CHD7: variants seen among roughly 807,000 people sequenced by gnomAD.
The protein encoded by CHD7 is chromodomain helicase DNA binding protein 7.
A neutral mutation model predicts 307.3 loss-of-function variants in CHD7; 24 were observed. That is an observed-to-expected ratio of 0.08 (90% CI 0.06 to 0.11). The LOEUF is 0.11. Among genes scored for constraint, CHD7 ranks in the 10% least tolerant of loss-of-function variants. The pLI, the probability that CHD7 is intolerant of heterozygous loss-of-function variation, is 1.00. For missense variants in CHD7, 3,106 were observed against 3,727.1 expected (o/e 0.83, Z 4.34); for synonymous variants, 1,363 against 1,349.9 (o/e 1.01, Z -0.21).
At chr8:60,708,808 C>A (rs1392992944) in intron 1 of CHD7, among the ~76,000 whole-genome samples, 1 of 152,206 alleles carries the variant, frequency 6.6e-6, no homozygotes, top group African/African-American at 2.4e-5. Flanking sequence ...TGACTCTTTT[C>A]AACCGAATGC....
At chr8:60,822,179 A>G (rs1027488106) in intron 11 of CHD7, 34 bp downstream of exon 11, 8 of 1,574,328 alleles carry the variant, frequency 5.1e-6, no homozygotes, top group Non-Finnish European at 6.9e-6. Context: ...ACTTTTAAAT[A>G]TATCTGTAGT....
chr8:60,861,411 T>G (rs144886073), intron 35 of CHD7: 1 of 323,256 alleles, frequency 3.1e-6, no homozygotes, highest in African/African-American at 2.1e-5. Context: ...AGTTATTCTT[T>G]CCATGGCATC....
intron 37 of CHD7, 54 bp downstream of exon 37, chr8:60,862,706 C>A: frequency 8.4e-7 from 1 of 1,190,802 alleles, no homozygotes; most frequent in Non-Finnish European, 1.2e-6. Flanking sequence ...AACTGTTTTC[C>A]TTAGTCTTTC....
chr8:60,778,107 G>C (rs191934403), intron 2 of CHD7, among the ~76,000 whole-genome samples: 87 of 151,710 alleles, frequency 5.7e-4, no homozygotes, highest in Middle Eastern at 3.4e-3. Flanking sequence ...GGGGGTGGAG[G>C]GGGGGACATG....
At chr8:60,692,578 G>A (rs924014457) in intron 1 of CHD7, among the ~76,000 whole-genome samples, 1 of 152,328 alleles carries the variant, frequency 6.6e-6, no homozygotes, top group African/African-American at 2.4e-5. Flanking sequence ...TGGAGGACTT[G>A]TTAGCATAAT....
chr8:60,781,455 C>T (rs1300974288), intron 3 of CHD7, 25 bp downstream of exon 3: 6 of 1,504,788 alleles, frequency 4.0e-6, no homozygotes, highest in Non-Finnish European at 5.3e-6. Context: ...GAAAAAACAA[C>T]TGCAAAACAT....
At chr8:60,768,844 A>C (rs992074061) in intron 2 of CHD7, among the ~76,000 whole-genome samples, 11 of 148,488 alleles carry the variant, frequency 7.4e-5, no homozygotes, top group African/African-American at 1.5e-4. Flanking sequence ...GAAAAAAAAA[A>C]CCTGCACTCC....
chr8:60,823,779 A>G, intron 12 of CHD7, 61 bp from the exon 13 acceptor site: 1 of 1,341,084 alleles, frequency 7.5e-7, no homozygotes, highest in Non-Finnish European at 1.1e-6. Flanking sequence ...CTATTTATTC[A>G]TCCTTAAAGT....
chr8:60,837,284 G>A (rs980698536), intron 17 of CHD7, among the ~76,000 whole-genome samples: 2 of 152,170 alleles, frequency 1.3e-5, no homozygotes, highest in African/African-American at 4.8e-5. Context: ...TTTGGTAGCC[G>A]TCTTAGCTCA....
At chr8:60,759,460 C>CCTCCCTCTCTCCCTCT (rs751141062) in intron 2 of CHD7, among the ~76,000 whole-genome samples, 24 of 143,954 alleles carry the variant, frequency 1.7e-4, no homozygotes, top group Non-Finnish European at 3.2e-4. Flanking sequence ...TCTCTCTCTC[C>CCTCCCTCTCTCCCTCT]CTCCCTCTCT....
At chr8:60,794,369 A>T (rs1233302442) in intron 3 of CHD7, among the ~76,000 whole-genome samples, 1 of 152,208 alleles carries the variant, frequency 6.6e-6, no homozygotes, top group Non-Finnish European at 1.5e-5. Context: ...TGTCTTTCAA[A>T]AAAAGGGCTA....
chr8:60,731,564 C>T (rs1190676154), intron 1 of CHD7, among the ~76,000 whole-genome samples: 1 of 152,128 alleles, frequency 6.6e-6, no homozygotes, highest in Admixed American at 6.5e-5. Flanking sequence ...AAATGTTTCC[C>T]AAATTTGTTA....
intron 1 of CHD7, among the ~76,000 whole-genome samples, chr8:60,726,340 C>T (rs7813977): frequency 0.01 from 1,584 of 152,246 alleles, 30 homozygotes; most frequent in African/African-American, 0.036. Flanking sequence ...TTCCACTTCC[C>T]CATTCTGGAG....
At chr8:60,864,991 A>G (rs775034317) in intron 37 of CHD7, 25 bp from the exon 38 acceptor site, 3 of 1,558,614 alleles carry the variant, frequency 1.9e-6, no homozygotes, top group Non-Finnish European at 2.6e-6. Flanking sequence ...CTTTATAGCC[A>G]CTGTTTGCCT....
intron 2 of CHD7, 41 bp from the exon 3 acceptor site, chr8:60,780,959 A>G: frequency 6.8e-7 from 1 of 1,472,900 alleles, no homozygotes; most frequent in Non-Finnish European, 9.0e-7. Context: ...TTTACTGTGA[A>G]GAATGATAAA....
At chr8:60,856,936 G>A (rs1262389133) in intron 34 of CHD7, 48 bp downstream of exon 34, 2 of 1,490,374 alleles carry the variant, frequency 1.3e-6, no homozygotes, top group African/African-American at 2.8e-5. Flanking sequence ...GTTGACAGCT[G>A]AGGGTCCTGT....
Position 60,865,889 on chromosome 8 carries a change from C to T in CHD7, c.8950C>T (p.Leu2984Phe), listed in dbSNP as rs184814820. Residue 2984 changes from leucine to phenylalanine, a missense_variant, in exon 38 of 38, where the codon CTT becomes TTT. By Grantham distance (22) the Leu-to-Phe change is conservative (BLOSUM62 0). This residue lies in a region of CHD7 where 351 missense variants were observed against 366.2 expected (regional missense o/e 0.96). Coordinates refer to ENST00000423902, the MANE Select transcript of CHD7 (RefSeq NM_017780.4). This position sits in a 1 kb window ranked among gnomAD's most constrained non-coding sequence, Gnocchi z 4.3. ...AGCACAGGGTGAAGAGCTAGACTCA[C>T]TTGATGGGGGGGATGAAATAGAAAA... is the stretch of plus-strand genomic sequence containing the variant. ...EIAQGEELDS[L>F]DGGDEIENNE... The T allele has an allele frequency of 4.5e-3, 7,201 of 1,610,460 alleles. 28 individuals are homozygous for T. The highest frequency in any genetic ancestry group is 5.4e-3 in the Non-Finnish European group (6,318 of 1,178,308).
At chr8:60,849,644 G>T (rs1204467406) in intron 25 of CHD7, among the ~76,000 whole-genome samples, 1 of 152,270 alleles carries the variant, frequency 6.6e-6, no homozygotes, top group East Asian at 1.9e-4. Flanking sequence ...TGGGGATGCA[G>T]AACTGGCATG....
chr8:60,792,254 T>C (rs569991833), intron 3 of CHD7, among the ~76,000 whole-genome samples: 1 of 152,346 alleles, frequency 6.6e-6, no homozygotes, highest in African/African-American at 2.4e-5. Flanking sequence ...TTGGATATTT[T>C]TGGACAAAGC....
Sources: allele counts gnomAD v4.1 joint callset (sites outside exome capture counted in the v4.1 genomes callset), GRCh38; gene constraint gnomAD v4.1.1; regional missense constraint gnomAD v4.1.1; non-coding constraint Gnocchi (gnomAD v3.1); transcripts MANE v1.5; gene names NCBI Gene and HGNC (gene_info 2026-07-23, HGNC 2026-07-21).